MAGI1: variants seen among roughly 807,000 people sequenced by gnomAD.
MAGI1 encodes the protein membrane associated guanylate kinase, WW and PDZ domain containing 1.
Under a neutral mutation model 139.9 loss-of-function variants are expected in MAGI1, and 58 were observed. The ratio of observed to expected loss-of-function variants is 0.41; its 90% CI spans 0.34 to 0.52. MAGI1 has a LOEUF of 0.52. MAGI1 is among the 20% of genes least tolerant of loss of function. The pLI, the probability that MAGI1 is intolerant of heterozygous loss-of-function variation, is 0.12. For synonymous variants in MAGI1, 812 were observed against 737.9 expected (o/e 1.10, Z -1.63); for missense variants, 1,874 against 1,901.6 (o/e 0.99, Z 0.27).
chr3:65,416,837 A>T (rs1415928699), intron 12 of MAGI1, among the ~76,000 whole-genome samples: 6 of 152,184 alleles, frequency 3.9e-5, no homozygotes, highest in Non-Finnish European at 7.3e-5. Context: ...TTATGTTCAC[A>T]AATAGGGGAC....
intron 1 of MAGI1, chr3:65,688,019 C>T (rs554757417): frequency 2.4e-6 from 2 of 836,600 alleles, no homozygotes; most frequent in South Asian, 1.3e-5. Context: ...GGCTTTGAGC[C>T]CCTCACACCC....
Position 65,549,515 on chromosome 3 carries a change from C to T in MAGI1, c.431-55884G>A. ...CCCGCGCGTCTGAGCGGCCCGGCGG[C>T]AGCTGCTCCTTTTATGGGGCTCGCA... On this transcript the variant is annotated intron_variant, in intron 2 of 22. Coordinates refer to ENST00000402939, the MANE Select transcript of MAGI1 (RefSeq NM_001033057.2). 3 of 984,062 alleles carry T rather than the reference C, an allele frequency of 3.0e-6. No individual in the cohort carries two copies. The South Asian group carries it at 1.4e-4, about 46-fold the overall frequency. The allele number at this position is 984,062 out of a possible 1,614,324, so 61.0% of individuals were successfully genotyped here. A position where few individuals can be genotyped will look rare whatever the true frequency, so the allele number is the denominator to read the frequency against.
chr3:65,555,537 T>C (rs1277096576), intron 2 of MAGI1, among the ~76,000 whole-genome samples: 8 of 152,056 alleles, frequency 5.3e-5, no homozygotes, highest in East Asian at 1.9e-4. Context: ...AGATCTTTGA[T>C]AGGTGAGAGG....
At chr3:65,913,625 T>G (rs2061766050) in intron 1 of MAGI1, among the ~76,000 whole-genome samples, 1 of 152,178 alleles carries the variant, frequency 6.6e-6, no homozygotes, top group Admixed American at 6.5e-5. Context: ...ACAGTACTGC[T>G]TGGAGCATTT....
At chr3:65,427,423 T>G (rs1165810931) in intron 12 of MAGI1, among the ~76,000 whole-genome samples, 1 of 152,232 alleles carries the variant, frequency 6.6e-6, no homozygotes. Flanking sequence ...GTTAGTTGGC[T>G]ATAATGAAAC....
chr3:65,388,296 CT>C (rs1943611114), intron 14 of MAGI1, among the ~76,000 whole-genome samples: 1 of 152,050 alleles, frequency 6.6e-6, no homozygotes, highest in Non-Finnish European at 1.5e-5. Flanking sequence ...CACATTGCCC[CT>C]AATAAAAGAA....
At chr3:66,003,286 A>C in intron 1 of MAGI1, among the ~76,000 whole-genome samples, 1 of 152,076 alleles carries the variant, frequency 6.6e-6, no homozygotes, top group Non-Finnish European at 1.5e-5. Flanking sequence ...TGTGGAGACA[A>C]GGACACACCA....
intron 1 of MAGI1, among the ~76,000 whole-genome samples, chr3:65,828,119 T>C (rs549453773): frequency 6.6e-6 from 1 of 152,336 alleles, no homozygotes; most frequent in East Asian, 1.9e-4. Context: ...GGAGAAGTGA[T>C]GGACTTCAAA....
At chr3:65,934,252 T>C (rs866444425) in intron 1 of MAGI1, among the ~76,000 whole-genome samples, 6 of 141,356 alleles carry the variant, frequency 4.2e-5, no homozygotes, top group Non-Finnish European at 9.1e-5. Flanking sequence ...TTTTTTAATA[T>C]ATTTTACCAT....
chr3:65,672,348 C>A (rs1435353378), intron 1 of MAGI1, among the ~76,000 whole-genome samples: 1 of 152,166 alleles, frequency 6.6e-6, no homozygotes, highest in Non-Finnish European at 1.5e-5. Context: ...TTAGTCTTTG[C>A]TGTATTTGTA....
At chr3:65,884,426 A>C (rs547716464) in intron 1 of MAGI1, among the ~76,000 whole-genome samples, 92 of 152,344 alleles carry the variant, frequency 6.0e-4, no homozygotes, top group Admixed American at 3.5e-3. Context: ...AGATAGGTGA[A>C]CAATGGCCAA....
intron 2 of MAGI1, among the ~76,000 whole-genome samples, chr3:65,610,392 C>A (rs958728680): frequency 3.9e-5 from 6 of 152,096 alleles, no homozygotes; most frequent in African/African-American, 7.2e-5. Context: ...TGATAGAATT[C>A]GAACAGAATT....
At chr3:65,911,091 C>T (rs1215864490) in intron 1 of MAGI1, among the ~76,000 whole-genome samples, 2 of 151,474 alleles carry the variant, frequency 1.3e-5, no homozygotes, top group African/African-American at 4.9e-5. Context: ...CTCCTGACCT[C>T]AGGCGATCCG....
rs575134505 is a variant in MAGI1, at chr3:65,459,990, T to C, written c.960-6650A>G. ...TGACATCCTTGGCTTGTTTTCACAC[T>C]TGCAGGGAAGGCATTTCATCTTTTC... On this transcript the variant is annotated intron_variant, in intron 5 of 22. Coordinates refer to ENST00000402939, the MANE Select transcript of MAGI1 (RefSeq NM_001033057.2). 2.6e-5 allele frequency among the ~76,000 whole-genome samples: 4 copies of C among 152,328 alleles called. No individual in the cohort carries two copies. The South Asian group carries it at 8.3e-4, about 32-fold the overall frequency.
Position 65,379,451 on chromosome 3 carries a change from C to A in MAGI1, c.2805G>T (p.Gln935His). The A allele has an allele frequency of 6.2e-7, 1 of 1,614,032 alleles. No homozygotes were observed. Among genetic ancestry groups the A allele is most frequent in the Non-Finnish European group, 8.5e-7 (1 of 1,179,932 alleles). The part of the protein sequence containing the change: ...TEEKRTPQGS[Q>H]NSLNTVSSGS... Reference sequence around the variant, plus strand: ...CCGAGCTCACCGTGTTCAGCGAGTTCTGGCTGCCCTGCGGAGTGCGCTTCT... The same window carrying A: ...CCGAGCTCACCGTGTTCAGCGAGTTATGGCTGCCCTGCGGAGTGCGCTTCT... The change falls in exon 17 of 23, where the codon CAG becomes CAT. Residue 935 changes from glutamine (Q) to histidine (H), a missense_variant. Transcript: ENST00000402939.
At chr3:65,619,590 A>G (rs1218777999) in intron 2 of MAGI1, among the ~76,000 whole-genome samples, 1 of 152,198 alleles carries the variant, frequency 6.6e-6, no homozygotes, top group African/African-American at 2.4e-5. Context: ...TTACATCATC[A>G]TCAAGAGAAT....
intron 1 of MAGI1, among the ~76,000 whole-genome samples, chr3:65,776,632 T>G (rs1423826958): frequency 6.6e-6 from 1 of 152,102 alleles, no homozygotes; most frequent in Non-Finnish European, 1.5e-5. Context: ...CTACAATAAT[T>G]AATGCCAGCT....
At chr3:65,706,795 C>G (rs17073535) in intron 1 of MAGI1, among the ~76,000 whole-genome samples, 24,890 of 151,970 alleles carry the variant, frequency 0.16, 2,284 homozygotes, top group South Asian at 0.25. Flanking sequence ...GAAATGAAAA[C>G]GCAAGCAGGA....
At chr3:65,834,342 T>C (rs1406341602) in intron 1 of MAGI1, among the ~76,000 whole-genome samples, 1 of 152,314 alleles carries the variant, frequency 6.6e-6, no homozygotes, top group African/African-American at 2.4e-5. Flanking sequence ...TCAAACAGTG[T>C]GAATGAGCTT....
Sources: gnomAD v4.1 joint callset for allele counts (sites outside exome capture counted in the v4.1 genomes callset) on GRCh38, gnomAD v4.1.1 for gene constraint, MANE v1.5 for transcripts, NCBI Gene and HGNC (gene_info 2026-07-23, HGNC 2026-07-21) for gene names.